The following CTNNA2 variants were observed in gnomAD, a reference collection of about 807,000 sequenced individuals.
CTNNA2 encodes the protein catenin alpha 2.
A neutral mutation model predicts 101.0 loss-of-function variants in CTNNA2; 42 were observed. The ratio of observed to expected loss-of-function variants is 0.42; its 90% CI spans 0.32 to 0.54. The LOEUF (loss-of-function observed/expected upper bound fraction) is 0.54, where lower values mean the gene tolerates loss of function less well. Ranked by LOEUF, CTNNA2 falls within the 20% of genes least tolerant of loss-of-function variation. The pLI is 0.14. For missense variants in CTNNA2, 871 were observed against 1,223.1 expected (o/e 0.71, Z 4.29); for synonymous variants, 450 against 456.4 (o/e 0.99, Z 0.18).
At chr2:79,589,153 C>T (rs929677829) in intron 1 of CTNNA2, among the ~76,000 whole-genome samples, 1 of 152,194 alleles carries the variant, frequency 6.6e-6, no homozygotes, top group Non-Finnish European at 1.5e-5. Context: ...GAGCAGAATA[C>T]ATGCCTGAAT....
At position 79,198,941 on chromosome 2, in the gene CTNNA2, G is replaced by A. The variant is rs1304104424; in HGVS notation, c.-406+865G>A. Reference sequence around the variant, plus strand: ...GATGTTACAATCAGTGCAAAGGTGAGTGTAAAGAACAGACACATTTTTGTT... The same window carrying A: ...GATGTTACAATCAGTGCAAAGGTGAATGTAAAGAACAGACACATTTTTGTT... On this transcript the variant is annotated intron_variant, in intron 2 of 21. Coordinates refer to the CTNNA2 transcript ENST00000466387. 3.3e-5 allele frequency among the ~76,000 whole-genome samples: 5 copies of A among 152,196 alleles called. No individual in the cohort carries two copies. The South Asian group carries it at 1.0e-3, about 32-fold the overall frequency.
At chr2:80,095,173 G>T (rs543395133) in intron 7 of CTNNA2, among the ~76,000 whole-genome samples, 28 of 152,284 alleles carry the variant, frequency 1.8e-4, no homozygotes, top group African/African-American at 6.5e-4. Flanking sequence ...TTTGAGATAT[G>T]TCCCATCAAT....
chr2:80,444,301 T>A (rs557688403), intron 9 of CTNNA2, among the ~76,000 whole-genome samples: 1 of 152,328 alleles, frequency 6.6e-6, no homozygotes, highest in East Asian at 1.9e-4. Context: ...AATTTGTTTA[T>A]ATGAAAGGAG....
rs534717836 is a variant in CTNNA2, at chr2:79,290,370, G to A, written c.-405-22339G>A. Among the ~76,000 whole-genome samples the A allele has an allele frequency of 4.6e-5, 7 of 152,260 alleles. 1 individual carries two copies. In the South Asian group the frequency reaches 1.5e-3, roughly 32 times the overall value. ...ACTGATACGGGAGCGGGGCAGGGAA[G>A]TGCTGGGAAGGAAACGGAGTGGTCC... On this transcript the variant is annotated intron_variant, in intron 2 of 21. Coordinates refer to the CTNNA2 transcript ENST00000466387.
intron 1 of CTNNA2, among the ~76,000 whole-genome samples, chr2:79,543,600 T>C (rs998593183): frequency 6.6e-6 from 1 of 152,138 alleles, no homozygotes; most frequent in Non-Finnish European, 1.5e-5. Flanking sequence ...TCACACCCAA[T>C]TGGACCTTGT....
chr2:79,603,735 A>T (rs1677702262), intron 1 of CTNNA2, among the ~76,000 whole-genome samples: 1 of 152,220 alleles, frequency 6.6e-6, no homozygotes, highest in African/African-American at 2.4e-5. Context: ...GTGGCAATAC[A>T]AATTGTATTG....
intron 7 of CTNNA2, among the ~76,000 whole-genome samples, chr2:80,287,730 A>G (rs2149171825): frequency 6.6e-6 from 1 of 152,268 alleles, no homozygotes; most frequent in East Asian, 1.9e-4. Context: ...TGGGGCTCAT[A>G]TTGAAGTCTA....
intron 7 of CTNNA2, among the ~76,000 whole-genome samples, chr2:80,191,464 G>T (rs575440064): frequency 1.3e-5 from 2 of 152,282 alleles, no homozygotes; most frequent in East Asian, 3.9e-4. Context: ...TCAGGAGATT[G>T]ACTTCAATTT....
At chr2:80,424,932 C>T (rs778108529) in intron 9 of CTNNA2, among the ~76,000 whole-genome samples, 13 of 152,190 alleles carry the variant, frequency 8.5e-5, no homozygotes, top group Non-Finnish European at 1.8e-4. Flanking sequence ...TCCAAGTTGG[C>T]TGCCTCAGCG....
intron 4 of CTNNA2, among the ~76,000 whole-genome samples, chr2:79,469,534 C>G (rs1162096558): frequency 1.3e-5 from 2 of 152,124 alleles, no homozygotes; most frequent in East Asian, 3.9e-4. Context: ...TTTTATGAGG[C>G]CAGCATCATC....
At chr2:80,184,502 G>C (rs930438456) in intron 7 of CTNNA2, among the ~76,000 whole-genome samples, 1 of 152,090 alleles carries the variant, frequency 6.6e-6, no homozygotes, top group African/African-American at 2.4e-5. Context: ...TTTGAATCAG[G>C]GGCCAACTAG....
intron 2 of CTNNA2, among the ~76,000 whole-genome samples, chr2:79,227,525 A>G (rs181547351): frequency 2.6e-5 from 4 of 152,288 alleles, no homozygotes; most frequent in Admixed American, 2.6e-4. Context: ...CATACCTCAG[A>G]GATACTGCAA....
At chr2:79,825,249 C>A (rs1558555746) in intron 3 of CTNNA2, among the ~76,000 whole-genome samples, 1 of 152,060 alleles carries the variant, frequency 6.6e-6, no homozygotes, top group Non-Finnish European at 1.5e-5. Context: ...GAACATAGTG[C>A]AGTGGAAGGA....
At chr2:79,456,725 T>C (rs995180765) in intron 4 of CTNNA2, among the ~76,000 whole-genome samples, 8 of 152,290 alleles carry the variant, frequency 5.3e-5, no homozygotes, top group African/African-American at 1.7e-4. Context: ...GAGGGTAAAA[T>C]GGCACTTGGT....
intron 7 of CTNNA2, among the ~76,000 whole-genome samples, chr2:79,943,615 C>G (rs556072086): frequency 1.3e-5 from 2 of 152,284 alleles, no homozygotes; most frequent in African/African-American, 4.8e-5. Context: ...AAAGTTTTCC[C>G]AAAGCACCAT....
chr2:79,771,865 T>C (rs1673608033), intron 3 of CTNNA2, among the ~76,000 whole-genome samples: 1 of 152,304 alleles, frequency 6.6e-6, no homozygotes, highest in African/African-American at 2.4e-5. Flanking sequence ...TGCGACTGTT[T>C]TGTACATTTT....
chr2:79,313,995 C>G (rs1676440325), intron 3 of CTNNA2, among the ~76,000 whole-genome samples: 1 of 152,080 alleles, frequency 6.6e-6, no homozygotes, highest in Admixed American at 6.5e-5. Context: ...GACAACAAGG[C>G]CTTCCTAGGT....
chr2:79,926,704 T>C (rs1362279605), intron 7 of CTNNA2, among the ~76,000 whole-genome samples: 2 of 151,954 alleles, frequency 1.3e-5, no homozygotes, highest in Non-Finnish European at 2.9e-5. Context: ...TATTTCCTTA[T>C]AAATAAAATT....
At chr2:79,438,571 A>G (rs935115749) in intron 4 of CTNNA2, among the ~76,000 whole-genome samples, 1 of 152,142 alleles carries the variant, frequency 6.6e-6, no homozygotes, top group Admixed American at 6.5e-5. Flanking sequence ...GCCTCTACGC[A>G]CTAGATGCCA....
Sources: gnomAD v4.1 joint callset for allele counts (sites outside exome capture counted in the v4.1 genomes callset) on GRCh38, gnomAD v4.1.1 for gene constraint, MANE v1.5 for transcripts, NCBI Gene and HGNC (gene_info 2026-07-23, HGNC 2026-07-21) for gene names.